ACAN: variants seen among roughly 807,000 people sequenced by gnomAD.
The protein encoded by ACAN is aggrecan, also known as aggrecan core protein.
A neutral mutation model predicts 169.1 loss-of-function variants in ACAN; 47 were observed. The observed-to-expected ratio is 0.28, with a 90% confidence interval of 0.22 to 0.35. The LOEUF (loss-of-function observed/expected upper bound fraction) is 0.35, where lower values mean the gene tolerates loss of function less well. ACAN is among the 10% of genes least tolerant of loss of function. ACAN has a pLI of 1.00. For missense variants in ACAN, 2,716 were observed against 2,759.9 expected (o/e 0.98, Z 0.36); for synonymous variants, 1,115 against 1,112.2 (o/e 1.00, Z -0.05).
rs375373189 is a variant in ACAN, at chr15:88,841,736, G to A, written c.630-4G>A. On this transcript the variant is annotated splice_polypyrimidine_tract_variant and splice_region_variant and intron_variant, in intron 4 of 18. Coordinates refer to ENST00000560601, the MANE Select transcript of ACAN (RefSeq NM_001369268.1). ...GTCACACCTCCATTTCGGGTTCCTG[G>A]CAGATACCCCATCCACACTCCCCGG... 1.5e-5 allele frequency: 24 copies of A among 1,613,652 alleles called. No individual in the cohort carries two copies. In the African/African-American group the frequency reaches 3.1e-4, roughly 21 times the overall value.
rs1896703835 is a variant in ACAN, at chr15:88,843,013, C to T, written c.758-342C>T. Among the ~76,000 whole-genome samples the T allele has an allele frequency of 6.6e-6, 1 of 152,152 alleles. No homozygotes were observed. The highest frequency in any genetic ancestry group is 2.1e-4 in the South Asian group (1 of 4,826). On this transcript the variant is annotated intron_variant, in intron 5 of 18. Transcript: ENST00000560601. The surrounding 1 kb of genome is among the most constrained non-coding windows in gnomAD (Gnocchi z 4.0). ...TGCCTTGAGTAGGCAATGCTTAACTCCTAGGAAAGATCCCCCTGTGGTGGA... is the reference window on the plus strand; with the variant it reads ...TGCCTTGAGTAGGCAATGCTTAACTTCTAGGAAAGATCCCCCTGTGGTGGA...
At chr15:88,823,094 CCA>C (rs1896119944) in intron 1 of ACAN, among the ~76,000 whole-genome samples, 1 of 152,210 alleles carries the variant, frequency 6.6e-6, no homozygotes, top group Non-Finnish European at 1.5e-5. Flanking sequence ...GGCTCAATTT[CCA>C]CACAGGGAGG....
chr15:88,816,452 A>C (rs1203737427), intron 1 of ACAN, among the ~76,000 whole-genome samples: 1 of 152,216 alleles, frequency 6.6e-6, no homozygotes, highest in Non-Finnish European at 1.5e-5. Flanking sequence ...GTTGAGTAGA[A>C]AGTGTTTGAA....
rs746579498 is a variant in ACAN, at chr15:88,872,345, C to T, written c.7302+260C>T. 2.0e-5 allele frequency among the ~76,000 whole-genome samples: 3 copies of T among 152,154 alleles called. No individual in the cohort carries two copies. The highest frequency in any genetic ancestry group is 4.8e-5 in the African/African-American group (2 of 41,436). On this transcript the variant is annotated intron_variant, in intron 16 of 18. Transcript: ENST00000560601. The surrounding 1 kb of genome is among the most constrained non-coding windows in gnomAD (Gnocchi z 5.4). ...AACAGCCACCACCATGAGGAGTATACGGAAGCTTTAGAGAGGTTTCTTGCC... is the reference window on the plus strand; with the variant it reads ...AACAGCCACCACCATGAGGAGTATATGGAAGCTTTAGAGAGGTTTCTTGCC...
At chr15:88,865,964 A>G (rs559862546) in intron 13 of ACAN, among the ~76,000 whole-genome samples, 1 of 152,122 alleles carries the variant, frequency 6.6e-6, no homozygotes, top group South Asian at 2.1e-4. Context: ...GACTTTCAGG[A>G]TTGTGGCCCT....
Position 88,854,954 on chromosome 15 carries a change from C to T in ACAN, c.2369C>T (p.Ser790Leu). The T allele has an allele frequency of 6.3e-7, 1 of 1,599,084 alleles. No individual in the cohort carries two copies. Among genetic ancestry groups the T allele is most frequent in the Non-Finnish European group, 8.5e-7 (1 of 1,173,238 alleles). The change falls in exon 12 of 19, where the codon TCA (serine) becomes TTA (leucine). Residue 790 changes from serine (S) to leucine (L), a missense_variant. Ser to Leu is a moderately radical substitution (Grantham distance 145). Transcript: ENST00000560601. Reference protein sequence around the residue: ...VPSASEEPSPSEVPFPSEEPS... With the variant: ...VPSASEEPSPLEVPFPSEEPS... ...TCTGCCTCAGAGGAACCATCCCCCT[C>T]AGAGGTGCCATTCCCCTCAGAGGAG...
chr15:88,846,886 C>T (rs376777618), intron 7 of ACAN, among the ~76,000 whole-genome samples: 12 of 152,326 alleles, frequency 7.9e-5, no homozygotes, highest in African/African-American at 2.6e-4. Flanking sequence ...TTCCAGAAAA[C>T]GCTTCCAACT....
intron 1 of ACAN, among the ~76,000 whole-genome samples, chr15:88,811,107 C>T (rs942237010): frequency 4.6e-5 from 7 of 152,276 alleles, no homozygotes; most frequent in Admixed American, 1.3e-4. Flanking sequence ...GTATAGAACA[C>T]GCCTTCCAAG....
At position 88,849,302 on chromosome 15, in the gene ACAN, C is replaced by G; in HGVS notation, c.1733-136C>G. ...CCCAGAAAATCTAAGGGGGAGTGGT[C>G]AAAAAAGGGGTGATGGAGCTGGGCT... is the stretch of plus-strand genomic sequence containing the variant. On this transcript the variant is annotated intron_variant, in intron 9 of 18. Transcript: ENST00000560601. The surrounding 1 kb of genome is among the most constrained non-coding windows in gnomAD (Gnocchi z 5.1). 5 of 864,316 alleles carry G rather than the reference C, an allele frequency of 5.8e-6. No individual in the cohort carries two copies. The highest frequency in any genetic ancestry group is 8.5e-6 in the Non-Finnish European group (5 of 586,938). The allele number at this position is 864,316 out of a possible 1,614,324, so 53.5% of individuals were successfully genotyped here.
At chr15:88,825,412 C>A (rs1016081384) in intron 1 of ACAN, among the ~76,000 whole-genome samples, 1 of 152,178 alleles carries the variant, frequency 6.6e-6, no homozygotes, top group African/African-American at 2.4e-5. Context: ...CCAGAGGCCT[C>A]ACCTATGAAA....
rs1351676730 is a variant in ACAN at position 88,872,336 on chromosome 15, A to T, written c.7302+251A>T. On this transcript the variant is annotated intron_variant, in intron 16 of 18. Coordinates refer to ENST00000560601, the MANE Select transcript of ACAN (RefSeq NM_001369268.1). The surrounding 1 kb of genome is among the most constrained non-coding windows in gnomAD (Gnocchi z 5.4). ...TGAAGGAATAACAGCCACCACCATG[A>T]GGAGTATACGGAAGCTTTAGAGAGG... 6.6e-6 allele frequency among the ~76,000 whole-genome samples: 1 copy of T among 152,210 alleles called. No individual in the cohort carries two copies.
rs756575823 is a variant in ACAN, at chr15:88,858,625, G to C, written c.6040G>C (p.Val2014Leu). Reference sequence around the variant, plus strand: ...TGGGGATTTTGCCAGCACCACCAATGTAAGTGGAGAATCCTCTGTAGCCAT... The same window carrying C: ...TGGGGATTTTGCCAGCACCACCAATCTAAGTGGAGAATCCTCTGTAGCCAT... Reference protein sequence around the residue: ...FSGDFASTTNVSGESSVAMGT... With the variant: ...FSGDFASTTNLSGESSVAMGT... Residue 2014 changes from valine (V) to leucine (L), a missense_variant, in exon 12 of 19, where the codon GTA (valine) becomes CTA (leucine). Coordinates refer to ENST00000560601, the MANE Select transcript of ACAN (RefSeq NM_001369268.1). This position sits in a 1 kb window ranked among gnomAD's most constrained non-coding sequence, Gnocchi z 4.0. The C allele has an allele frequency of 9.0e-5, 145 of 1,613,856 alleles. No individual in the cohort carries two copies. The highest frequency in any genetic ancestry group is 1.1e-4 in the Non-Finnish European group (134 of 1,179,906).
chr15:88,842,962 G>A (rs985591949), intron 5 of ACAN, among the ~76,000 whole-genome samples: 1 of 152,158 alleles, frequency 6.6e-6, no homozygotes, highest in Admixed American at 6.5e-5. Flanking sequence ...CTTTTCCCAG[G>A]AAAATTTGAG....
chr15:88,821,090 C>T (rs943312593), intron 1 of ACAN, among the ~76,000 whole-genome samples: 1 of 152,166 alleles, frequency 6.6e-6, no homozygotes, highest in African/African-American at 2.4e-5. Context: ...GGTAATCACT[C>T]CCATGATTCG....
chr15:88,825,006 C>T (rs367626767), intron 1 of ACAN, among the ~76,000 whole-genome samples: 30 of 152,072 alleles, frequency 2.0e-4, no homozygotes, highest in South Asian at 1.0e-3. Flanking sequence ...CAATGGCCAG[C>T]GAGGGAAAGA....
At position 88,854,532 on chromosome 15, in the gene ACAN, C is replaced by T. The variant is rs547234875; in HGVS notation, c.2267-320C>T. On this transcript the variant is annotated intron_variant, in intron 11 of 18. Transcript: ENST00000560601. ...AGTGGGTTGTGTGGATGGTGGCCCC[C>T]GCATCTCACACAAAGTACAACCTGT... is the stretch of plus-strand genomic sequence containing the variant. Among the ~76,000 whole-genome samples, 12 of 152,294 alleles carry T rather than the reference C, an allele frequency of 7.9e-5. No individual in the cohort carries two copies. The East Asian group carries it at 1.2e-3, about 15-fold the overall frequency.
intron 1 of ACAN, among the ~76,000 whole-genome samples, chr15:88,805,333 G>A (rs987767174): frequency 1.3e-5 from 2 of 152,156 alleles, no homozygotes; most frequent in African/African-American, 4.8e-5. Context: ...CTCGTTGGGG[G>A]AGGAAGCATT....
chr15:88,872,597 A>G lies in ACAN; in HGVS notation c.7303-284A>G, dbSNP rs1399027361. The stretch of plus-strand genomic sequence containing the variant: ...TGGCCCTTCTGGATAAGAGGTGTGG[A>G]ATCAGCTCATGTACAGAGCCTGTGA... On this transcript the variant is annotated intron_variant, in intron 16 of 18. Transcript: ENST00000560601. This position sits in a 1 kb window ranked among gnomAD's most constrained non-coding sequence, Gnocchi z 5.4. Among the ~76,000 whole-genome samples, 1 of 152,076 alleles carries G rather than the reference A, an allele frequency of 6.6e-6. No individual in the cohort carries two copies. The highest frequency in any genetic ancestry group is 1.5e-5 in the Non-Finnish European group (1 of 68,000).
chr15:88,860,112 C>A (rs900165706), intron 12 of ACAN, among the ~76,000 whole-genome samples: 36 of 136,404 alleles, frequency 2.6e-4, no homozygotes, highest in Non-Finnish European at 4.7e-4. Context: ...GTCCCTTGTA[C>A]CTTCCTTTGT....
Sources: allele counts gnomAD v4.1 joint callset (sites outside exome capture counted in the v4.1 genomes callset), GRCh38; gene constraint gnomAD v4.1.1; non-coding constraint Gnocchi (gnomAD v3.1); transcripts MANE v1.5; gene names NCBI Gene and HGNC (gene_info 2026-07-23, HGNC 2026-07-21).